The following MGAT4A variants were observed in gnomAD, a reference collection of about 807,000 sequenced individuals.
MGAT4A encodes N-acetylglucosaminyltransferase IVa.
MGAT4A carries 33 observed loss-of-function variants against 74.1 expected under a neutral mutation model. That is an observed-to-expected ratio of 0.45 (90% CI 0.34 to 0.60). MGAT4A has a LOEUF of 0.60. Ranked by LOEUF, MGAT4A falls within the 20% of genes least tolerant of loss-of-function variation. The pLI is 0.02. For missense variants in MGAT4A, 479 were observed against 628.3 expected (o/e 0.76, Z 2.54); for synonymous variants, 198 against 210.4 (o/e 0.94, Z 0.51).
At chr2:98,716,490 C>T (rs148405242) in intron 2 of MGAT4A, among the ~76,000 whole-genome samples, 102 of 152,100 alleles carry the variant, frequency 6.7e-4, no homozygotes, top group African/African-American at 2.2e-3. Context: ...TGGTGGGGTG[C>T]ACCTGTAATC....
intron 5 of MGAT4A, among the ~76,000 whole-genome samples, chr2:98,660,058 C>T (rs1701719570): frequency 6.6e-6 from 1 of 152,068 alleles, no homozygotes; most frequent in African/African-American, 2.4e-5. Context: ...AAACAATATA[C>T]AAACATCGGT....
Position 98,624,310 on chromosome 2 carries a change from T to G in MGAT4A, c.*1256A>C, listed in dbSNP as rs1272493643. 1.0e-6 allele frequency: 1 copy of G among 971,938 alleles called. No homozygotes were observed. The highest frequency in any genetic ancestry group is 1.8e-5 in the African/African-American group (1 of 56,894). The allele number at this position is 971,938 out of a possible 1,614,324, so 60.2% of individuals were successfully genotyped here. ...TACAGGCGTGAGCCACAGCGCCTGG[T>G]GATAATTCATCATTTTTTAAAAGTA... On this transcript the variant is annotated 3_prime_UTR_variant, in exon 16 of 16. Coordinates refer to ENST00000393487, the MANE Select transcript of MGAT4A (RefSeq NM_012214.3).
At chr2:98,674,858 G>A (rs1701957063) in intron 4 of MGAT4A, among the ~76,000 whole-genome samples, 177 bp downstream of exon 4, 1 of 152,148 alleles carries the variant, frequency 6.6e-6, no homozygotes, top group African/African-American at 2.4e-5. Flanking sequence ...TATTACTTTG[G>A]TCTATGAAGG....
intron 2 of MGAT4A, among the ~76,000 whole-genome samples, chr2:98,699,170 T>C (rs1296627261): frequency 6.6e-6 from 1 of 152,178 alleles, no homozygotes. Context: ...ACACGTGCAA[T>C]GTGTTGTGTT....
intron 2 of MGAT4A, among the ~76,000 whole-genome samples, chr2:98,685,978 T>C (rs1702125089): frequency 6.6e-6 from 1 of 152,164 alleles, no homozygotes; most frequent in Admixed American, 6.5e-5. Context: ...TCCTCTCCCT[T>C]CCTCTGGCCC....
Position 98,621,754 on chromosome 2 carries a change from G to T in MGAT4A, c.*3812C>A. On this transcript the variant is annotated 3_prime_UTR_variant, in exon 16 of 16. Transcript: ENST00000393487. ...TCCACATAACCAGTCTTTTCTTTGA[G>T]GGACAGCACTGTTGGGAGACAACCT... 8.3e-7 allele frequency: 1 copy of T among 1,202,076 alleles called. No individual in the cohort carries two copies. The highest frequency in any genetic ancestry group is 1.0e-6 in the Non-Finnish European group (1 of 967,764). 74.5% of individuals were successfully genotyped at this position (1,202,076 alleles called of 1,614,324 possible). A position where few individuals can be genotyped will look rare whatever the true frequency, so the allele number is the denominator to read the frequency against.
chr2:98,629,603 C>T (rs537842230), intron 14 of MGAT4A, among the ~76,000 whole-genome samples: 20 of 152,234 alleles, frequency 1.3e-4, no homozygotes, highest in South Asian at 2.1e-4. Flanking sequence ...GCAATTTATC[C>T]TCTCCCATGT....
At chr2:98,656,838 T>C (rs899542218) in intron 6 of MGAT4A, among the ~76,000 whole-genome samples, 7 of 152,134 alleles carry the variant, frequency 4.6e-5, no homozygotes, top group Non-Finnish European at 8.8e-5. Flanking sequence ...AGTATGTATG[T>C]GTCTTTAAAT....
In MGAT4A at chr2:98,665,947, AG is replaced by A. The variant is rs1575258771; in HGVS notation, c.404-2769del. ...TAAGCCCAGATTGAGAAAATCAGTC[AG>A]GGGTCACATTGCATATAACAAAGTT... is the stretch of plus-strand genomic sequence containing the variant. On this transcript the variant is annotated intron_variant, in intron 4 of 15. Transcript: ENST00000393487. 2.6e-5 allele frequency among the ~76,000 whole-genome samples: 4 copies of A among 152,366 alleles called. No individual in the cohort carries two copies. The East Asian group carries it at 5.8e-4, about 22-fold the overall frequency.
intron 2 of MGAT4A, among the ~76,000 whole-genome samples, chr2:98,724,569 T>G (rs1012526902): frequency 6.6e-6 from 1 of 152,248 alleles, no homozygotes; most frequent in African/African-American, 2.4e-5. Context: ...GTTAACAGAC[T>G]GTATGTGTGC....
At chr2:98,681,816 TTTAGAGAAATAACTTTAAGA>T (rs1702064375) in intron 2 of MGAT4A, among the ~76,000 whole-genome samples, 2 of 152,066 alleles carry the variant, frequency 1.3e-5, no homozygotes, top group South Asian at 4.2e-4. Context: ...TTAAGAACTC[TTTAGAGAAATAACTTTAAGA>T]TAAACCTAGA....
rs146573477 is a variant in MGAT4A, at chr2:98,647,566, G to A, written c.775-2024C>T. ...ACCCTTGACCTCAGGTGATCCACCCGCCTCGGCCTCTCAAAGTGTTGGGAT... is the reference window on the plus strand; with the variant it reads ...ACCCTTGACCTCAGGTGATCCACCCACCTCGGCCTCTCAAAGTGTTGGGAT... On this transcript the variant is annotated intron_variant, in intron 8 of 15. Coordinates refer to ENST00000393487, the MANE Select transcript of MGAT4A (RefSeq NM_012214.3). 4.6e-3 allele frequency among the ~76,000 whole-genome samples: 700 copies of A among 152,222 alleles called. 3 individuals carry two copies. Among genetic ancestry groups the A allele is most frequent in the Middle Eastern group, 0.02 (6 of 294 alleles).
chr2:98,640,374 C>T, intron 10 of MGAT4A, 146 bp from the exon 11 acceptor site: 2 of 654,970 alleles, frequency 3.1e-6, no homozygotes, highest in Non-Finnish European at 2.6e-6. Flanking sequence ...TGTTGAAAGG[C>T]CAAGGCAGGT....
At chr2:98,686,667 C>T (rs1314512861) in intron 2 of MGAT4A, among the ~76,000 whole-genome samples, 4 of 152,102 alleles carry the variant, frequency 2.6e-5, no homozygotes, top group African/African-American at 2.4e-5. Context: ...CTGCCTCAGC[C>T]TCCCAAAGAG....
At chr2:98,669,280 T>C (rs1701879142) in intron 4 of MGAT4A, among the ~76,000 whole-genome samples, 1 of 152,150 alleles carries the variant, frequency 6.6e-6, no homozygotes, top group Admixed American at 6.5e-5. Context: ...TGCTGTGCTG[T>C]TCTCCTGACA....
rs943133374 is a variant in MGAT4A at position 98,658,960 on chromosome 2, T to C, written c.538-696A>G. On this transcript the variant is annotated intron_variant, in intron 5 of 15. Coordinates refer to ENST00000393487, the MANE Select transcript of MGAT4A (RefSeq NM_012214.3). ...ATATTCACATTTCACAAACATTTAC[T>C]GAATGCCTACTCTAGGCCAGGCTGC... Among the ~76,000 whole-genome samples, 2 of 152,234 alleles carry C rather than the reference T, an allele frequency of 1.3e-5. 1 individual carries two copies. The highest frequency in any genetic ancestry group is 4.1e-4 in the South Asian group (2 of 4,832).
At chr2:98,693,624 C>G (rs1361065677) in intron 2 of MGAT4A, among the ~76,000 whole-genome samples, 1 of 149,504 alleles carries the variant, frequency 6.7e-6, no homozygotes, top group Non-Finnish European at 1.5e-5. Context: ...GGGAAAATTG[C>G]TTGAGCCTTA....
intron 2 of MGAT4A, among the ~76,000 whole-genome samples, chr2:98,714,143 A>G (rs1198921026): frequency 6.6e-6 from 1 of 152,116 alleles, no homozygotes; most frequent in Non-Finnish European, 1.5e-5. Context: ...GCTGGAGTGC[A>G]GTGGCGCGAT....
At chr2:98,641,976 CAA>C (rs1439079816) in intron 10 of MGAT4A, among the ~76,000 whole-genome samples, 17 of 133,266 alleles carry the variant, frequency 1.3e-4, no homozygotes, top group African/African-American at 4.5e-4. Flanking sequence ...GTCTGGGTGA[CAA>C]GAGCAAAACT....
Sources: gnomAD v4.1 joint callset for allele counts (sites outside exome capture counted in the v4.1 genomes callset) on GRCh38, gnomAD v4.1.1 for gene constraint, MANE v1.5 for transcripts, NCBI Gene and HGNC (gene_info 2026-07-23, HGNC 2026-07-21) for gene names.